Variants in GLCE observed in about 807,000 individuals in gnomAD.
GLCE encodes D-glucuronyl C5-epimerase.
A neutral mutation model predicts 47.9 loss-of-function variants in GLCE; 19 were observed. The observed-to-expected ratio is 0.40, with a 90% CI of 0.28 to 0.58. The LOEUF (loss-of-function observed/expected upper bound fraction) is 0.58, where lower values mean the gene tolerates loss of function less well. Ranked by LOEUF, GLCE falls within the 20% of genes least tolerant of loss-of-function variation. The probability of loss-of-function intolerance (pLI) is 0.48; values close to 1 mark genes in which losing one functional copy is unlikely to be tolerated. For synonymous variants in GLCE, 245 were observed against 263.4 expected, an observed-to-expected ratio of 0.93 and a Z score of 0.68; for missense variants, 556 against 743.3, an observed-to-expected ratio of 0.75 and a Z score of 2.93.
Position 69,211,546 on chromosome 15 carries a change from T to G in GLCE, c.-14+1140T>G, listed in dbSNP as rs555602203. 3.3e-5 allele frequency among the ~76,000 whole-genome samples: 5 copies of G among 151,910 alleles called. No homozygotes were observed. In the South Asian group the frequency reaches 8.3e-4, roughly 25 times the overall value. ...TGTGATTCCTAAAATTATTAGTGTTTAAATAAACATAAGATAGAAGGAGAA... is the reference window on the plus strand; with the variant it reads ...TGTGATTCCTAAAATTATTAGTGTTGAAATAAACATAAGATAGAAGGAGAA... On this transcript the variant is annotated intron_variant, in intron 2 of 4. Transcript: ENST00000261858.
intron 1 of GLCE, among the ~76,000 whole-genome samples, chr15:69,189,352 CTT>C (rs1259405482): frequency 4.6e-5 from 7 of 152,254 alleles, no homozygotes; most frequent in Admixed American, 3.3e-4. Context: ...TCTTGCATGT[CTT>C]TTCATGCATG....
chr15:69,226,294 G>A (rs1334010294), intron 2 of GLCE, among the ~76,000 whole-genome samples: 1 of 152,132 alleles, frequency 6.6e-6, no homozygotes, highest in Non-Finnish European at 1.5e-5. Context: ...AAACACTGCT[G>A]TTGTTGGAAG....
chr15:69,239,794 A>G (rs1286612315), intron 2 of GLCE, among the ~76,000 whole-genome samples: 1 of 152,190 alleles, frequency 6.6e-6, no homozygotes, highest in Non-Finnish European at 1.5e-5. Context: ...GAAAATTGAT[A>G]AAGATTTAAT....
intron 1 of GLCE, among the ~76,000 whole-genome samples, chr15:69,202,957 T>A (rs929122753): frequency 1.3e-5 from 2 of 152,170 alleles, no homozygotes; most frequent in African/African-American, 2.4e-5. Flanking sequence ...ACTTTTGGAA[T>A]AATGGGTGGA....
intron 2 of GLCE, among the ~76,000 whole-genome samples, chr15:69,245,007 G>C (rs1166654104): frequency 1.3e-5 from 2 of 152,154 alleles, no homozygotes; most frequent in Admixed American, 6.5e-5. Flanking sequence ...ACTGTAGTCT[G>C]TTAAGTGTAG....
intron 3 of GLCE, chr15:69,260,864 T>G (rs957696866): frequency 4.1e-6 from 2 of 487,878 alleles, no homozygotes; most frequent in African/African-American, 3.8e-5. Context: ...GCACTATTTG[T>G]TAACAAATAA....
At chr15:69,195,154 A>C (rs1367220333) in intron 1 of GLCE, among the ~76,000 whole-genome samples, 1 of 152,158 alleles carries the variant, frequency 6.6e-6, no homozygotes, top group Non-Finnish European at 1.5e-5. Context: ...TATTCGTGTC[A>C]GTGTGAAGAG....
intron 2 of GLCE, among the ~76,000 whole-genome samples, chr15:69,247,959 T>C (rs1419750148): frequency 1.3e-5 from 2 of 152,186 alleles, no homozygotes; most frequent in African/African-American, 4.8e-5. Context: ...TGAGAAAATA[T>C]TAGAAATACT....
rs1309205806 is a variant in GLCE, at chr15:69,269,506, C to A, written c.*262C>A. The A allele has an allele frequency of 2.2e-6, 1 of 461,514 alleles. No individual in the cohort carries two copies. The highest frequency in any genetic ancestry group is 1.9e-5 in the African/African-American group (1 of 51,570). 28.6% of individuals were successfully genotyped at this position (461,514 alleles called of 1,614,324 possible). On this transcript the variant is annotated 3_prime_UTR_variant, in exon 5 of 5. Coordinates refer to ENST00000261858, the MANE Select transcript of GLCE (RefSeq NM_015554.3). ...GCTTCACTTTGCCTTGCCCATCACC[C>A]TATACAGTTTCGCAGATAGTCTAGT...
At chr15:69,251,894 T>C (rs74020605) in intron 2 of GLCE, among the ~76,000 whole-genome samples, 151 of 152,336 alleles carry the variant, frequency 9.9e-4, no homozygotes, top group African/African-American at 3.5e-3. Context: ...GTGAGTGGTA[T>C]ACTGAACTTC....
At chr15:69,242,730 C>G (rs1486765003) in intron 2 of GLCE, among the ~76,000 whole-genome samples, 1 of 151,538 alleles carries the variant, frequency 6.6e-6, no homozygotes, top group Non-Finnish European at 1.5e-5. Context: ...TTCTTTCTGC[C>G]TAGTTTATGG....
At chr15:69,212,829 T>C (rs2052251285) in intron 2 of GLCE, among the ~76,000 whole-genome samples, 1 of 152,092 alleles carries the variant, frequency 6.6e-6, no homozygotes, top group Admixed American at 6.6e-5. Flanking sequence ...AGAAACTAGT[T>C]AGGAAGTCAA....
rs973965029 is a variant in GLCE, at chr15:69,211,175, CTT to C, written c.-14+770_-14+771del. On this transcript the variant is annotated intron_variant, in intron 2 of 4. Coordinates refer to ENST00000261858, the MANE Select transcript of GLCE (RefSeq NM_015554.3). ...GAAGTAATTGATTTTTAAAATAAGA[CTT>C]AATGTTAGCAGTTAAATACTATGCT... 1.1e-4 allele frequency among the ~76,000 whole-genome samples: 17 copies of C among 152,086 alleles called. No individual in the cohort carries two copies. In the East Asian group the frequency reaches 2.1e-3, roughly 19 times the overall value.
intron 3 of GLCE, among the ~76,000 whole-genome samples, chr15:69,259,855 C>T (rs772661977): frequency 6.6e-6 from 1 of 152,174 alleles, no homozygotes; most frequent in Non-Finnish European, 1.5e-5. Context: ...TACCTAATTC[C>T]GTAAACATTG....
intron 3 of GLCE, among the ~76,000 whole-genome samples, chr15:69,256,682 C>T (rs534541781): frequency 1.8e-4 from 27 of 152,194 alleles, no homozygotes; most frequent in African/African-American, 5.5e-4. Flanking sequence ...CAGAAGTTTG[C>T]GTTAAAATAT....
intron 1 of GLCE, among the ~76,000 whole-genome samples, chr15:69,185,376 A>C (rs1187744974): frequency 2.0e-5 from 3 of 152,194 alleles, no homozygotes; most frequent in African/African-American, 4.8e-5. Flanking sequence ...TATCATTTAC[A>C]TAGAAACTTT....
chr15:69,219,724 T>C (rs2052354000), intron 2 of GLCE, among the ~76,000 whole-genome samples: 1 of 152,162 alleles, frequency 6.6e-6, no homozygotes, highest in South Asian at 2.1e-4. Flanking sequence ...GTTTAAATTG[T>C]GTTAAAATAC....
chr15:69,171,399 CTTT>C (rs201615586), intron 1 of GLCE, among the ~76,000 whole-genome samples: 4 of 140,152 alleles, frequency 2.9e-5, no homozygotes, highest in African/African-American at 2.6e-5. Flanking sequence ...GGGATATATT[CTTT>C]TTTTTTTTTT....
intron 2 of GLCE, among the ~76,000 whole-genome samples, chr15:69,250,805 TAAAAA>T (rs35971019): frequency 4.6e-4 from 58 of 126,824 alleles, no homozygotes; most frequent in Middle Eastern, 4.2e-3. Flanking sequence ...TTTTTATAGT[TAAAAA>T]AAAAAAAAAA....
Sources: allele counts gnomAD v4.1 joint callset (sites outside exome capture counted in the v4.1 genomes callset), GRCh38; gene constraint gnomAD v4.1.1; transcripts MANE v1.5; gene names NCBI Gene and HGNC (gene_info 2026-07-23, HGNC 2026-07-21).